GRM7: variants seen among roughly 807,000 people sequenced by gnomAD.
GRM7 encodes the protein metabotropic glutamate receptor 7.
Under a neutral mutation model 84.5 loss-of-function variants are expected in GRM7, and 35 were observed. The observed-to-expected ratio is 0.41, with a 90% CI of 0.32 to 0.55. GRM7 has a LOEUF of 0.55. GRM7 is among the 20% of genes least tolerant of loss of function. The probability of loss-of-function intolerance (pLI) is 0.19; values close to 1 mark genes in which losing one functional copy is unlikely to be tolerated. For synonymous variants in GRM7, 487 were observed against 455.1 expected, an observed-to-expected ratio of 1.07 and a Z score of -0.89; for missense variants, 1,003 against 1,194.6, an observed-to-expected ratio of 0.84 and a Z score of 2.36.
At chr3:7,113,873 C>A (rs1217816269) in intron 1 of GRM7, among the ~76,000 whole-genome samples, 3 of 152,114 alleles carry the variant, frequency 2.0e-5, no homozygotes, top group African/African-American at 7.2e-5. Context: ...GTCTGGTATA[C>A]TGACAAGTGA....
intron 1 of GRM7, among the ~76,000 whole-genome samples, chr3:7,070,929 T>A (rs577540846): frequency 6.6e-6 from 1 of 152,248 alleles, no homozygotes; most frequent in Admixed American, 6.5e-5. Context: ...TAAAAAGAGT[T>A]CTTTTTACTT....
chr3:7,217,732 A>G (rs1398445075), intron 2 of GRM7, among the ~76,000 whole-genome samples: 1 of 149,626 alleles, frequency 6.7e-6, no homozygotes, highest in Admixed American at 6.7e-5. Flanking sequence ...ATTATAATAT[A>G]AAATTATTTT....
intron 4 of GRM7, among the ~76,000 whole-genome samples, chr3:7,345,133 G>T (rs970932527): frequency 6.6e-6 from 1 of 151,996 alleles, no homozygotes; most frequent in Non-Finnish European, 1.5e-5. Context: ...ATAGAAAGAA[G>T]CTGACCTGTT....
intron 2 of GRM7, among the ~76,000 whole-genome samples, chr3:7,202,332 G>A (rs1371182754): frequency 6.6e-6 from 1 of 151,990 alleles, no homozygotes; most frequent in East Asian, 1.9e-4. Context: ...TTGTATGTTT[G>A]TTTGTTTGTT....
chr3:7,330,329 G>T (rs546446164), intron 4 of GRM7, among the ~76,000 whole-genome samples: 1 of 152,138 alleles, frequency 6.6e-6, no homozygotes, highest in Non-Finnish European at 1.5e-5. Flanking sequence ...GTCCCTGGAA[G>T]AAAACCCATT....
chr3:7,492,332 C>G (rs1322250242), intron 7 of GRM7, among the ~76,000 whole-genome samples: 1 of 152,094 alleles, frequency 6.6e-6, no homozygotes, highest in Non-Finnish European at 1.5e-5. Context: ...GCCATCTGCA[C>G]CTAAAAGTTC....
intron 1 of GRM7, among the ~76,000 whole-genome samples, chr3:7,040,227 C>T (rs1387602643): frequency 6.6e-6 from 1 of 152,186 alleles, no homozygotes; most frequent in Non-Finnish European, 1.5e-5. Flanking sequence ...ATTGATAACT[C>T]ATCACCTCTT....
chr3:7,072,875 T>C (rs985205745), intron 1 of GRM7, among the ~76,000 whole-genome samples: 1 of 152,180 alleles, frequency 6.6e-6, no homozygotes, highest in Non-Finnish European at 1.5e-5. Flanking sequence ...CTGCTGTCTT[T>C]CTGAATCATA....
At chr3:7,329,631 TA>T (rs1364124161) in intron 4 of GRM7, among the ~76,000 whole-genome samples, 3 of 152,230 alleles carry the variant, frequency 2.0e-5, no homozygotes, top group East Asian at 1.9e-4. Context: ...AATGAATATT[TA>T]AAAAATTTCA....
chr3:7,553,641 A>C (rs371635386), intron 7 of GRM7, among the ~76,000 whole-genome samples: 157 of 152,270 alleles, frequency 1.0e-3, no homozygotes, highest in Non-Finnish European at 1.9e-3. Flanking sequence ...AGGTGTCAGA[A>C]AGGAAAAGTG....
At chr3:7,553,186 T>G (rs1204356990) in intron 7 of GRM7, among the ~76,000 whole-genome samples, 2 of 152,226 alleles carry the variant, frequency 1.3e-5, no homozygotes, top group Non-Finnish European at 2.9e-5. Flanking sequence ...CCCAGTCTCT[T>G]TGCTAAAGCA....
intron 1 of GRM7, among the ~76,000 whole-genome samples, chr3:6,864,774 A>G (rs575533871): frequency 6.6e-6 from 1 of 152,190 alleles, no homozygotes; most frequent in South Asian, 2.1e-4. Flanking sequence ...AGGAGGGAGA[A>G]ATGAGATGGT....
intron 8 of GRM7, among the ~76,000 whole-genome samples, chr3:7,585,709 T>G (rs1695487801): frequency 6.6e-6 from 1 of 152,118 alleles, no homozygotes. Context: ...CCTCAGCCAC[T>G]GAGAGACACA....
rs1175513393 is a variant in GRM7, at chr3:6,862,711, C to G, written c.519+804C>G. On this transcript the variant is annotated intron_variant, in intron 1 of 9. Transcript: ENST00000357716. This position sits in a 1 kb window ranked among gnomAD's most constrained non-coding sequence, Gnocchi z 5.2. ...CGCGAAACGAAATCGCTCTCCCTGC[C>G]TCCTCCCTCCTCCCCCCCGCCCCCC... 3 of 230,140 alleles carry G rather than the reference C, an allele frequency of 1.3e-5. No individual in the cohort carries two copies. Among genetic ancestry groups the G allele is most frequent in the African/African-American group, 1.1e-4 (3 of 27,782 alleles). 14.3% of individuals were successfully genotyped at this position (230,140 alleles called of 1,614,324 possible). A position where few individuals can be genotyped will look rare whatever the true frequency, so the allele number is the denominator to read the frequency against.
At chr3:6,868,792 G>A (rs1695021075) in intron 1 of GRM7, among the ~76,000 whole-genome samples, 2 of 152,132 alleles carry the variant, frequency 1.3e-5, no homozygotes, top group African/African-American at 2.4e-5. Context: ...TGTGTGGGCC[G>A]TGGAGGGAAG....
At chr3:7,130,515 C>T (rs1229626819) in intron 1 of GRM7, among the ~76,000 whole-genome samples, 3 of 149,406 alleles carry the variant, frequency 2.0e-5, no homozygotes, top group African/African-American at 5.0e-5. Context: ...TGCACTACAA[C>T]CCCAGTGACA....
chr3:7,406,283 G>A (rs1405832425), intron 4 of GRM7, among the ~76,000 whole-genome samples: 4 of 151,982 alleles, frequency 2.6e-5, no homozygotes, highest in Admixed American at 6.6e-5. Flanking sequence ...GGTGGATCAC[G>A]AGGTCAGGAG....
intron 8 of GRM7, among the ~76,000 whole-genome samples, chr3:7,660,554 A>G (rs1373485727): frequency 1.3e-5 from 2 of 152,248 alleles, no homozygotes; most frequent in Non-Finnish European, 2.9e-5. Flanking sequence ...GGAAGATTCA[A>G]TATTGTTAAG....
Position 7,298,783 on chromosome 3 carries a change from A to C in GRM7, c.836A>C (p.Asn279Thr). ...ATCAAACAGCTCCTGGACACCCCCA[A>C]CTCCAGGGCCGTCGTGATTTTTGCC... The part of the protein sequence containing the change: ...RIIKQLLDTP[N>T]SRAVVIFAND... The change falls in exon 3 of 10, where the codon AAC becomes ACC. Residue 279 changes from asparagine to threonine, a missense_variant. Coordinates refer to ENST00000357716, the MANE Select transcript of GRM7 (RefSeq NM_000844.4). 6.2e-7 allele frequency: 1 copy of C among 1,613,416 alleles called. No individual in the cohort carries two copies. The highest frequency in any genetic ancestry group is 1.1e-5 in the South Asian group (1 of 91,068).
Sources: gnomAD v4.1 joint callset for allele counts (sites outside exome capture counted in the v4.1 genomes callset) on GRCh38, gnomAD v4.1.1 for gene constraint, Gnocchi (gnomAD v3.1) non-coding constraint, MANE v1.5 for transcripts, NCBI Gene and HGNC (gene_info 2026-07-23, HGNC 2026-07-21) for gene names.